The following DRC4 variants were observed in gnomAD, a reference collection of about 807,000 sequenced individuals.
DRC4 encodes GAS-11.
chr16:90,039,820 T>C, the DRC4 span: 3 of 193,570 alleles, frequency 1.5e-5, no homozygotes, highest in African/African-American at 4.6e-5. Context: ...AAGGCCGTGC[T>C]CCAGATCCAC....
At chr16:90,040,401 G>A in the DRC4 span, 1 of 1,612,174 alleles carries the variant, frequency 6.2e-7, no homozygotes, top group Non-Finnish European at 8.5e-7. Flanking sequence ...AACGCAAGCT[G>A]CAGGCTCTGA....
At chr16:90,027,590 A>G in the DRC4 span, 1 of 1,585,046 alleles carries the variant, frequency 6.3e-7, no homozygotes. Flanking sequence ...CCAGCCAAGA[A>G]GGGGAAGCTG....
chr16:90,037,548 T>C, the DRC4 span: 4 of 1,089,258 alleles, frequency 3.7e-6, no homozygotes, highest in South Asian at 1.6e-5. Context: ...CGTGTTCTCC[T>C]GGGGAAAGTA....
the DRC4 span, chr16:90,035,633 A>C: frequency 6.2e-7 from 1 of 1,614,166 alleles, no homozygotes; most frequent in Non-Finnish European, 8.5e-7. Context: ...CCCTGTGCAG[A>C]AACACACCGA....
the DRC4 span, chr16:90,043,891 G>A: frequency 2.2e-6 from 1 of 455,212 alleles, no homozygotes. Flanking sequence ...CGGGCAGGCA[G>A]CCTCCCGCTG....
At chr16:90,037,738 C>T in the DRC4 span, 2 of 1,604,344 alleles carry the variant, frequency 1.2e-6, no homozygotes, top group Non-Finnish European at 1.7e-6. Flanking sequence ...ACTTTCTGTC[C>T]CCTACTCCCT....
At chr16:90,032,587 C>A in the DRC4 span, 17 of 761,276 alleles carry the variant, frequency 2.2e-5, 1 homozygote, top group Middle Eastern at 2.2e-3. Flanking sequence ...TACAGGTGAC[C>A]AGGTGTGTAC....
At chr16:90,035,647 G>C in the DRC4 span, 1 of 1,614,190 alleles carries the variant, frequency 6.2e-7, no homozygotes, top group African/African-American at 1.3e-5. Context: ...ACACCGAGGA[G>C]ATCACCAGGA....
At chr16:90,023,924 G>A in the DRC4 span, among the ~76,000 whole-genome samples, 73 of 134,834 alleles carry the variant, frequency 5.4e-4, 1 homozygote, top group African/African-American at 1.2e-3. Context: ...CCTGGGAGGC[G>A]GAGGTTGCAG....
chr16:90,026,591 G>C, the DRC4 span, among the ~76,000 whole-genome samples: 10 of 152,182 alleles, frequency 6.6e-5, 1 homozygote, highest in South Asian at 2.1e-3. Flanking sequence ...GTAACATTTG[G>C]CAGTGTGGTA....
the DRC4 span, chr16:90,029,128 G>C: frequency 8.0e-7 from 1 of 1,256,666 alleles, no homozygotes; most frequent in Admixed American, 2.7e-5. Context: ...TGGGGCAGTG[G>C]CCATGGAGCC....
chr16:90,033,055 A>G, the DRC4 span: 1 of 954,898 alleles, frequency 1.0e-6, no homozygotes, highest in South Asian at 1.7e-5. Context: ...CATTTTTGCA[A>G]TTTGTTGAAA....
At chr16:90,024,411 C>G in the DRC4 span, among the ~76,000 whole-genome samples, 2 of 152,144 alleles carry the variant, frequency 1.3e-5, no homozygotes, top group African/African-American at 4.8e-5. Flanking sequence ...AGAGGGAGAT[C>G]TGTGCAGGGG....
the DRC4 span, among the ~76,000 whole-genome samples, chr16:90,031,930 G>A: frequency 6.6e-6 from 1 of 151,838 alleles, no homozygotes; most frequent in Non-Finnish European, 1.5e-5. Context: ...CAGGTGAGGA[G>A]GTATGTGCAG....
At chr16:90,033,244 A>T in the DRC4 span, among the ~76,000 whole-genome samples, 1 of 152,216 alleles carries the variant, frequency 6.6e-6, no homozygotes, top group African/African-American at 2.4e-5. Context: ...CATCATATGC[A>T]TTTAGTAGAA....
the DRC4 span, chr16:90,020,094 T>G: frequency 1.6e-6 from 1 of 633,128 alleles, no homozygotes; most frequent in Non-Finnish European, 2.9e-6. Flanking sequence ...CTGTCCTCAT[T>G]CACTTCCCTC....
At chr16:90,041,333 T>C in the DRC4 span, among the ~76,000 whole-genome samples, 2 of 152,162 alleles carry the variant, frequency 1.3e-5, no homozygotes, top group African/African-American at 4.8e-5. Flanking sequence ...TGTTTGCTGC[T>C]GGCCAGGTGT....
the DRC4 span, among the ~76,000 whole-genome samples, chr16:90,021,828 C>G: frequency 7.3e-6 from 1 of 136,618 alleles, no homozygotes; most frequent in African/African-American, 2.7e-5. Flanking sequence ...GTGATCACAG[C>G]CTAGGCGACA....
the DRC4 span, among the ~76,000 whole-genome samples, chr16:90,034,926 G>A: frequency 1.3e-5 from 1 of 74,852 alleles, no homozygotes; most frequent in Non-Finnish European, 2.6e-5. Context: ...TTTTTGAGAT[G>A]GAGTTTTGCT....
Sources: gnomAD v4.1 joint callset for allele counts (sites outside exome capture counted in the v4.1 genomes callset) on GRCh38, gnomAD v4.1.1 for gene constraint, MANE v1.5 for transcripts, NCBI Gene and HGNC (gene_info 2026-07-23, HGNC 2026-07-21) for gene names.